The following TRAK1 variants were observed in gnomAD, a reference collection of about 807,000 sequenced individuals.
TRAK1 encodes the protein trafficking kinesin protein 1, also known as trafficking kinesin-binding protein 1.
TRAK1 carries 33 observed loss-of-function variants against 92.1 expected under a neutral mutation model. That is an observed-to-expected ratio of 0.36 (90% confidence interval 0.27 to 0.48). The LOEUF (loss-of-function observed/expected upper bound fraction) is 0.48. TRAK1 is among the 20% of genes least tolerant of loss of function. TRAK1 has a pLI of 0.99. For missense variants in TRAK1, 1,123 were observed against 1,257.9 expected (o/e 0.89, Z 1.62); for synonymous variants, 521 against 517.3 (o/e 1.01, Z -0.10).
At chr3:42,096,563 A>C (rs967420419) in intron 1 of TRAK1, among the ~76,000 whole-genome samples, 2 of 152,346 alleles carry the variant, frequency 1.3e-5, no homozygotes, top group East Asian at 1.9e-4. Flanking sequence ...CAAACACATA[A>C]TTTTAAAAGA....
chr3:42,042,441 A>G (rs1463798149), intron 1 of TRAK1, among the ~76,000 whole-genome samples: 1 of 151,974 alleles, frequency 6.6e-6, no homozygotes, highest in African/African-American at 2.4e-5. Flanking sequence ...GTGCAGTCTC[A>G]GTTCACTGTG....
chr3:42,038,488 A>T (rs936813354), intron 1 of TRAK1, among the ~76,000 whole-genome samples: 1 of 152,152 alleles, frequency 6.6e-6, no homozygotes, highest in African/African-American at 2.4e-5. Flanking sequence ...GGTTATTTTT[A>T]AAAATTTTTT....
chr3:42,019,617 T>A (rs1368945249), intron 1 of TRAK1, among the ~76,000 whole-genome samples: 1 of 152,150 alleles, frequency 6.6e-6, no homozygotes, highest in Non-Finnish European at 1.5e-5. Context: ...GGATTTTTTT[T>A]ATGCTAACAT....
intron 2 of TRAK1, among the ~76,000 whole-genome samples, chr3:42,130,844 C>T (rs1697100343): frequency 6.6e-6 from 1 of 152,172 alleles, no homozygotes; most frequent in African/African-American, 2.4e-5. Context: ...TCACATGGGG[C>T]CCCTGAGGTG....
intron 1 of TRAK1, among the ~76,000 whole-genome samples, chr3:42,017,267 A>G (rs1701562699): frequency 6.6e-6 from 1 of 152,182 alleles, no homozygotes; most frequent in African/African-American, 2.4e-5. Context: ...TCTCAAAAAC[A>G]AAACAAAACA....
chr3:42,132,848 C>T (rs1283654831), intron 2 of TRAK1, among the ~76,000 whole-genome samples: 1 of 152,164 alleles, frequency 6.6e-6, no homozygotes, highest in Non-Finnish European at 1.5e-5. Flanking sequence ...CTCATGTACC[C>T]ACATACTGAG....
chr3:42,132,704 G>A (rs1226989422), intron 2 of TRAK1, among the ~76,000 whole-genome samples: 1 of 152,118 alleles, frequency 6.6e-6, no homozygotes, highest in African/African-American at 2.4e-5. Flanking sequence ...TCAGGTGACT[G>A]TGATGTACTC....
chr3:42,069,579 C>T (rs1703827880), intron 1 of TRAK1, among the ~76,000 whole-genome samples: 1 of 152,050 alleles, frequency 6.6e-6, no homozygotes, highest in South Asian at 2.1e-4. Context: ...ATACTATATT[C>T]TGTACTTTGT....
At chr3:42,100,687 A>G (rs1706621881) in intron 1 of TRAK1, among the ~76,000 whole-genome samples, 1 of 152,050 alleles carries the variant, frequency 6.6e-6, no homozygotes, top group Admixed American at 6.6e-5. Flanking sequence ...TTATTTTGAG[A>G]CAGAGTTTTG....
intron 1 of TRAK1, among the ~76,000 whole-genome samples, chr3:42,122,226 T>A (rs1014918209): frequency 1.3e-5 from 2 of 152,144 alleles, no homozygotes; most frequent in Non-Finnish European, 2.9e-5. Flanking sequence ...GGACCCACAC[T>A]GTAAATAGGT....
chr3:42,088,744 C>G (rs964808111), upstream of TRAK1, among the ~76,000 whole-genome samples: 1 of 152,188 alleles, frequency 6.6e-6, no homozygotes, highest in Non-Finnish European at 1.5e-5. Flanking sequence ...GTTGCCAAGT[C>G]CTGTGTCCTG....
chr3:42,031,032 A>ATT (rs1559710077), intron 1 of TRAK1, among the ~76,000 whole-genome samples: 6 of 100,700 alleles, frequency 6.0e-5, no homozygotes, highest in African/African-American at 2.0e-4. Context: ...CAGCTATTTG[A>ATT]ATTTTTTTTT....
At chr3:42,220,605 C>T (rs1166217808) in intron 15 of TRAK1, 1 of 985,198 alleles carries the variant, frequency 1.0e-6, no homozygotes, top group African/African-American at 1.7e-5. Context: ...AGCACACCGC[C>T]AGCAGTGCCT....
intron 9 of TRAK1, among the ~76,000 whole-genome samples, chr3:42,194,591 T>G (rs1171122406): frequency 6.6e-6 from 1 of 152,218 alleles, no homozygotes; most frequent in Non-Finnish European, 1.5e-5. Context: ...GTTGGTATTT[T>G]AGAAGATTTC....
chr3:42,203,114 G>T, intron 13 of TRAK1: 1 of 1,230,124 alleles, frequency 8.1e-7, no homozygotes, highest in South Asian at 4.2e-5. Flanking sequence ...TTGCCTGTGG[G>T]TGTGAGGAAT....
At chr3:42,064,475 G>C (rs1036076877) in intron 1 of TRAK1, among the ~76,000 whole-genome samples, 1 of 152,234 alleles carries the variant, frequency 6.6e-6, no homozygotes, top group East Asian at 1.9e-4. Context: ...TTACCCAAAT[G>C]TAATTTCTAA....
At chr3:42,165,260 T>C (rs1288799914) in intron 2 of TRAK1, among the ~76,000 whole-genome samples, 1 of 151,826 alleles carries the variant, frequency 6.6e-6, no homozygotes, top group Non-Finnish European at 1.5e-5. Context: ...AGTATGTGAG[T>C]GGGCAGAGTC....
chr3:42,106,200 C>T lies in TRAK1; in HGVS notation c.91+14640C>T, dbSNP rs1469085791. On this transcript the variant is annotated intron_variant, in intron 1 of 15. Coordinates refer to ENST00000327628, the MANE Select transcript of TRAK1 (RefSeq NM_001042646.3). Reference sequence around the variant, plus strand: ...ACCTTAAATGTAAATGGCCTAAATGCCCCAATTAAAAGACACAGACTGGCA... The same window carrying T: ...ACCTTAAATGTAAATGGCCTAAATGTCCCAATTAAAAGACACAGACTGGCA... Among the ~76,000 whole-genome samples, 13 of 152,264 alleles carry T rather than the reference C, an allele frequency of 8.5e-5. 1 individual carries two copies. The highest frequency in any genetic ancestry group is 3.4e-3 in the Middle Eastern group (1 of 294).
intron 1 of TRAK1, among the ~76,000 whole-genome samples, chr3:42,023,540 G>A (rs1344955065): frequency 6.6e-6 from 1 of 152,044 alleles, no homozygotes; most frequent in African/African-American, 2.4e-5. Flanking sequence ...GGTGAGAGAG[G>A]GTGGGGGTTA....
Sources: allele counts gnomAD v4.1 joint callset (sites outside exome capture counted in the v4.1 genomes callset), GRCh38; gene constraint gnomAD v4.1.1; transcripts MANE v1.5; gene names NCBI Gene and HGNC (gene_info 2026-07-23, HGNC 2026-07-21).